Variants in AUTS2 observed in about 807,000 individuals in gnomAD.
AUTS2 encodes autism susceptibility gene 2 protein.
Under a neutral mutation model 112.4 loss-of-function variants are expected in AUTS2, and 17 were observed. That is an observed-to-expected ratio of 0.15 (90% CI 0.10 to 0.23). The LOEUF is 0.23. Among genes scored for constraint, AUTS2 ranks in the 10% least tolerant of loss-of-function variants. The pLI is 1.00. For missense variants in AUTS2, 1,510 were observed against 1,701.6 expected (o/e 0.89, Z 1.98); for synonymous variants, 751 against 702.7 (o/e 1.07, Z -1.09).
At chr7:69,928,696 T>A (rs1316579681) in intron 2 of AUTS2, among the ~76,000 whole-genome samples, 2 of 151,734 alleles carry the variant, frequency 1.3e-5, no homozygotes, top group Admixed American at 1.3e-4. Flanking sequence ...GAGCAGGCAC[T>A]TCTGAGCCTG....
chr7:70,173,559 T>C (rs895783305), intron 4 of AUTS2, among the ~76,000 whole-genome samples: 1 of 152,194 alleles, frequency 6.6e-6, no homozygotes, highest in Admixed American at 6.5e-5. Flanking sequence ...AATAAGTTCT[T>C]TTCTAATATG....
intron 1 of AUTS2, among the ~76,000 whole-genome samples, chr7:69,746,202 G>C (rs1213389850): frequency 6.6e-6 from 1 of 151,966 alleles, no homozygotes; most frequent in East Asian, 1.9e-4. Context: ...ATGACATTTG[G>C]CTGCTTTTTC....
chr7:69,820,412 G>T (rs1182185190), intron 1 of AUTS2, among the ~76,000 whole-genome samples: 1 of 152,216 alleles, frequency 6.6e-6, no homozygotes, highest in Non-Finnish European at 1.5e-5. Context: ...TGCAGATTTT[G>T]GGGCATCGCC....
intron 4 of AUTS2, among the ~76,000 whole-genome samples, chr7:70,256,397 C>T (rs1482583337): frequency 5.3e-5 from 8 of 152,158 alleles, no homozygotes; most frequent in Non-Finnish European, 1.2e-4. Flanking sequence ...ATGGTGGTGT[C>T]GCCCACTTCA....
At chr7:70,555,806 CTT>C (rs35481779) in intron 5 of AUTS2, among the ~76,000 whole-genome samples, 8 of 141,990 alleles carry the variant, frequency 5.6e-5, no homozygotes, top group African/African-American at 1.3e-4. Context: ...CCTCAGGAAG[CTT>C]TTTTTTTTTT....
In AUTS2 at chr7:69,950,213, G is replaced by A. The variant is rs141007022; in HGVS notation, c.522+50715G>A. On this transcript the variant is annotated intron_variant, in intron 2 of 18. Transcript: ENST00000342771. ...CTATACCTATATAAATTTTAAAAAC[G>A]TAGCACAAAGTTTCTGCACCATACT... 3.2e-3 allele frequency among the ~76,000 whole-genome samples: 485 copies of A among 152,006 alleles called. 3 individuals carry two copies. The highest frequency in any genetic ancestry group is 0.01 in the Middle Eastern group (3 of 294).
intron 1 of AUTS2, among the ~76,000 whole-genome samples, chr7:69,885,753 A>G (rs967223087): frequency 6.6e-6 from 1 of 152,220 alleles, no homozygotes; most frequent in Non-Finnish European, 1.5e-5. Context: ...GAGAGCTATT[A>G]GAGAATTCAA....
At chr7:69,705,169 C>T (rs1798008499) in intron 1 of AUTS2, among the ~76,000 whole-genome samples, 1 of 152,190 alleles carries the variant, frequency 6.6e-6, no homozygotes, top group African/African-American at 2.4e-5. Flanking sequence ...GCCTGGCCTC[C>T]TTATGTCTTC....
intron 4 of AUTS2, among the ~76,000 whole-genome samples, chr7:70,364,959 G>C (rs1052795683): frequency 1.3e-5 from 2 of 152,176 alleles, no homozygotes; most frequent in African/African-American, 4.8e-5. Flanking sequence ...TACTGCTGTA[G>C]GTAAAGTTGG....
intron 5 of AUTS2, among the ~76,000 whole-genome samples, chr7:70,567,966 G>C (rs1356412428): frequency 6.6e-6 from 1 of 152,184 alleles, no homozygotes; most frequent in Non-Finnish European, 1.5e-5. Context: ...CTCAGAGTCT[G>C]TTTCTCACAC....
At chr7:70,475,229 A>T (rs1418625279) in intron 5 of AUTS2, among the ~76,000 whole-genome samples, 2 of 152,260 alleles carry the variant, frequency 1.3e-5, no homozygotes, top group East Asian at 3.9e-4. Flanking sequence ...ACATGCAAAA[A>T]TTTTCACTTG....
chr7:70,323,838 T>C (rs1790366208), intron 4 of AUTS2, among the ~76,000 whole-genome samples: 1 of 152,242 alleles, frequency 6.6e-6, no homozygotes, highest in African/African-American at 2.4e-5. Context: ...ACAGTGTAAT[T>C]GAACATGTCC....
At chr7:70,675,391 G>A (rs953859974) in intron 5 of AUTS2, among the ~76,000 whole-genome samples, 8 of 152,160 alleles carry the variant, frequency 5.3e-5, no homozygotes, top group South Asian at 2.1e-4. Flanking sequence ...TACTCAGGAG[G>A]CTGAGGCAGG....
intron 5 of AUTS2, chr7:70,596,517 C>G (rs1197205530): frequency 6.6e-6 from 1 of 152,280 alleles, no homozygotes; most frequent in Non-Finnish European, 1.5e-5. Context: ...GAACCTGCCC[C>G]CTGACGTGGA....
At chr7:70,725,388 A>G (rs1786966708) in intron 6 of AUTS2, among the ~76,000 whole-genome samples, 1 of 152,210 alleles carries the variant, frequency 6.6e-6, no homozygotes, top group Non-Finnish European at 1.5e-5. Context: ...TGGAAATTAC[A>G]GTGGCCAGCC....
At chr7:70,512,457 C>T (rs1440757236) in intron 5 of AUTS2, among the ~76,000 whole-genome samples, 2 of 152,128 alleles carry the variant, frequency 1.3e-5, no homozygotes, top group African/African-American at 2.4e-5. Context: ...AAGGAGGTAA[C>T]GCTTCAAGTG....
At chr7:70,534,127 T>G (rs923899420) in intron 5 of AUTS2, among the ~76,000 whole-genome samples, 1 of 152,226 alleles carries the variant, frequency 6.6e-6, no homozygotes, top group African/African-American at 2.4e-5. Flanking sequence ...TGCCTCCACA[T>G]CGGCAGGCTT....
intron 4 of AUTS2, among the ~76,000 whole-genome samples, chr7:70,347,744 A>G (rs1282997605): frequency 6.6e-6 from 1 of 152,176 alleles, no homozygotes; most frequent in Non-Finnish European, 1.5e-5. Flanking sequence ...TGTCTTCTGC[A>G]GGGCTTTGCA....
chr7:70,665,953 G>A (rs1807327262), intron 5 of AUTS2, among the ~76,000 whole-genome samples: 1 of 152,100 alleles, frequency 6.6e-6, no homozygotes, highest in East Asian at 1.9e-4. Flanking sequence ...GGATGCATGT[G>A]GCTGACAGAG....
Sources: gnomAD v4.1 joint callset for allele counts (sites outside exome capture counted in the v4.1 genomes callset) on GRCh38, gnomAD v4.1.1 for gene constraint, MANE v1.5 for transcripts, NCBI Gene and HGNC (gene_info 2026-07-23, HGNC 2026-07-21) for gene names.